The following SYT9 variants were observed in gnomAD, a reference collection of about 807,000 sequenced individuals.
SYT9 encodes synaptotagmin-9.
In SYT9, 22 loss-of-function variants were observed where a neutral mutation model predicts 48.4. The observed-to-expected ratio is 0.45, with a 90% CI of 0.32 to 0.65. The LOEUF (loss-of-function observed/expected upper bound fraction) is 0.65. Ranked by LOEUF, SYT9 falls within the 30% of genes least tolerant of loss-of-function variation. The pLI, the probability that SYT9 is intolerant of heterozygous loss-of-function variation, is 0.03. For synonymous variants in SYT9, 265 were observed against 245.0 expected (o/e 1.08, Z -0.76); for missense variants, 577 against 622.0 (o/e 0.93, Z 0.77).
In SYT9 at chr11:7,429,652, G is replaced by A. The variant is rs529712438; in HGVS notation, c.1467+9017G>A. Among the ~76,000 whole-genome samples, 30 of 152,286 alleles carry A rather than the reference G, an allele frequency of 2.0e-4. No homozygotes were observed. In the East Asian group the frequency reaches 5.6e-3, roughly 28 times the overall value. ...CACACTGCCCCAGTTGGTGTTCTTT[G>A]GGAGTGAAGAGAACCATTCCCAAAG... On this transcript the variant is annotated intron_variant, in intron 6 of 6. Coordinates refer to ENST00000318881, the MANE Select transcript of SYT9 (RefSeq NM_175733.4).
At chr11:7,284,927 C>T (rs946920604) in intron 1 of SYT9, among the ~76,000 whole-genome samples, 7 of 152,128 alleles carry the variant, frequency 4.6e-5, no homozygotes, top group African/African-American at 1.7e-4. Context: ...TTTGCTCCCT[C>T]CCCTACTTCT....
intron 1 of SYT9, among the ~76,000 whole-genome samples, chr11:7,257,242 C>G (rs568061031): frequency 6.6e-6 from 1 of 152,274 alleles, no homozygotes; most frequent in African/African-American, 2.4e-5. Context: ...AAACTAGGAA[C>G]CTTGACTGTT....
chr11:7,352,487 A>G (rs1370563881), intron 3 of SYT9, among the ~76,000 whole-genome samples: 2 of 152,076 alleles, frequency 1.3e-5, no homozygotes, highest in African/African-American at 2.4e-5. Flanking sequence ...TGACAATAAG[A>G]CCTAGATCTA....
chr11:7,322,034 TA>T (rs1849347388), intron 3 of SYT9, among the ~76,000 whole-genome samples: 1 of 152,166 alleles, frequency 6.6e-6, no homozygotes, highest in African/African-American at 2.4e-5. Context: ...CGTATGATTT[TA>T]AGGTTGTGTT....
At chr11:7,399,069 T>C (rs1202355659) in intron 3 of SYT9, among the ~76,000 whole-genome samples, 1 of 152,166 alleles carries the variant, frequency 6.6e-6, no homozygotes, top group Non-Finnish European at 1.5e-5. Context: ...ATGGAAAATG[T>C]CAAAAAGGCC....
At chr11:7,322,924 G>C (rs1475889030) in intron 3 of SYT9, among the ~76,000 whole-genome samples, 1 of 151,994 alleles carries the variant, frequency 6.6e-6, no homozygotes, top group South Asian at 2.1e-4. Flanking sequence ...TGAAATTTAT[G>C]TGAAAGATAC....
At chr11:7,461,343 G>C (rs745496188) in intron 6 of SYT9, 2 of 152,014 alleles carry the variant, frequency 1.3e-5, no homozygotes, top group Admixed American at 6.6e-5. Flanking sequence ...AGCCCTTCAA[G>C]AATAGAATGT....
At chr11:7,398,223 A>G (rs1185708219) in intron 3 of SYT9, among the ~76,000 whole-genome samples, 5 of 152,004 alleles carry the variant, frequency 3.3e-5, no homozygotes, top group African/African-American at 1.2e-4. Context: ...TGTTTTTTTT[A>G]GTCTATGATT....
intron 3 of SYT9, among the ~76,000 whole-genome samples, chr11:7,367,072 CTTTTTTTTTT>C (rs35502843): frequency 5.6e-5 from 3 of 53,260 alleles, no homozygotes; most frequent in South Asian, 8.1e-4. Context: ...AGGAGACCAT[CTTTTTTTTTT>C]TTTTTTTTTT....
intron 3 of SYT9, among the ~76,000 whole-genome samples, chr11:7,349,124 C>T (rs567257822): frequency 1.3e-5 from 2 of 151,868 alleles, no homozygotes; most frequent in East Asian, 3.9e-4. Context: ...CAAGTGGGCT[C>T]CTGCTCACTG....
chr11:7,247,012 G>T (rs1457410761), upstream of SYT9, among the ~76,000 whole-genome samples: 1 of 152,162 alleles, frequency 6.6e-6, no homozygotes, highest in Non-Finnish European at 1.5e-5. Context: ...TTCTAGTGAG[G>T]GCTTTCTTCC....
At chr11:7,399,846 A>C (rs1283361897) in intron 3 of SYT9, among the ~76,000 whole-genome samples, 1 of 152,222 alleles carries the variant, frequency 6.6e-6, no homozygotes, top group African/African-American at 2.4e-5. Flanking sequence ...GTCCATTATT[A>C]TGCTAACAAA....
At chr11:7,370,802 T>C (rs1401133937) in intron 3 of SYT9, among the ~76,000 whole-genome samples, 1 of 152,176 alleles carries the variant, frequency 6.6e-6, no homozygotes, top group Non-Finnish European at 1.5e-5. Flanking sequence ...TATCTTACAA[T>C]AAGCATGTTG....
At chr11:7,373,671 A>G (rs550719525) in intron 3 of SYT9, among the ~76,000 whole-genome samples, 444 of 152,112 alleles carry the variant, frequency 2.9e-3, no homozygotes, top group Non-Finnish European at 4.8e-3. Context: ...AACATATGAA[A>G]CTCCCCATAT....
chr11:7,251,130 A>ACACACACC (rs909728944), upstream of SYT9, among the ~76,000 whole-genome samples: 1 of 127,230 alleles, frequency 7.9e-6, no homozygotes, highest in African/African-American at 2.6e-5. Context: ...ACACACACAC[A>ACACACACC]CACCCAGAGT....
intron 1 of SYT9, among the ~76,000 whole-genome samples, chr11:7,244,851 T>A (rs1223999324): frequency 1.3e-5 from 2 of 152,144 alleles, no homozygotes; most frequent in African/African-American, 4.8e-5. Context: ...TGGGATTTCA[T>A]CCATGGCATG....
intron 6 of SYT9, among the ~76,000 whole-genome samples, chr11:7,447,509 C>A (rs1402979009): frequency 6.6e-6 from 1 of 152,212 alleles, no homozygotes; most frequent in Non-Finnish European, 1.5e-5. Flanking sequence ...AGCTCCCTCA[C>A]AAACATTCAC....
chr11:7,295,168 T>G (rs1848775427), intron 1 of SYT9, among the ~76,000 whole-genome samples: 1 of 152,240 alleles, frequency 6.6e-6, no homozygotes, highest in Admixed American at 6.5e-5. Flanking sequence ...TCTGTTTTGC[T>G]TAACAATTCT....
At chr11:7,301,418 G>T (rs1848918400) in intron 1 of SYT9, among the ~76,000 whole-genome samples, 2 of 152,298 alleles carry the variant, frequency 1.3e-5, no homozygotes, top group South Asian at 4.1e-4. Context: ...GGTGGTAGTT[G>T]TTCAGCTTGA....
Sources: allele counts gnomAD v4.1 joint callset (sites outside exome capture counted in the v4.1 genomes callset), GRCh38; gene constraint gnomAD v4.1.1; transcripts MANE v1.5; gene names NCBI Gene and HGNC (gene_info 2026-07-23, HGNC 2026-07-21).